The following PXDNL variants were observed in gnomAD, a reference collection of about 807,000 sequenced individuals.
PXDNL encodes probable oxidoreductase PXDNL.
PXDNL carries 145 observed loss-of-function variants against 150.8 expected under a neutral mutation model. The ratio of observed to expected loss-of-function variants is 0.96; its 90% CI spans 0.84 to 1.10. The LOEUF (loss-of-function observed/expected upper bound fraction) is 1.10. PXDNL is among the 50% of genes least tolerant of loss of function. The pLI is 0.00. For missense variants in PXDNL, 2,087 were observed against 1,873.9 expected, an observed-to-expected ratio of 1.11 and a Z score of -2.10; for synonymous variants, 757 against 725.7, an observed-to-expected ratio of 1.04 and a Z score of -0.69.
At chr8:51,538,109 C>T (rs1050875303) in intron 4 of PXDNL, among the ~76,000 whole-genome samples, 1 of 152,156 alleles carries the variant, frequency 6.6e-6, no homozygotes, top group African/African-American at 2.4e-5. Context: ...GCAGGGAATA[C>T]GGTGAAATTG....
intron 1 of PXDNL, among the ~76,000 whole-genome samples, chr8:51,777,800 G>C (rs1585743181): frequency 6.6e-6 from 1 of 152,200 alleles, no homozygotes; most frequent in African/African-American, 2.4e-5. Context: ...CTACTCAAGA[G>C]GCTGAGGCAG....
chr8:51,326,950 A>G (rs1805515764), intron 21 of PXDNL, among the ~76,000 whole-genome samples: 1 of 152,204 alleles, frequency 6.6e-6, no homozygotes, highest in Admixed American at 6.5e-5. Context: ...TCATAAACAA[A>G]GGAAATCTGA....
intron 20 of PXDNL, among the ~76,000 whole-genome samples, chr8:51,343,779 C>T (rs16916021): frequency 0.03 from 4,514 of 152,156 alleles, 216 homozygotes; most frequent in African/African-American, 0.1. Context: ...GTCCGGTACC[C>T]ACTTCTGATG....
At chr8:51,807,252 C>T (rs2037687396) in intron 1 of PXDNL, among the ~76,000 whole-genome samples, 1 of 152,162 alleles carries the variant, frequency 6.6e-6, no homozygotes, top group African/African-American at 2.4e-5. Context: ...AACTTACAAT[C>T]ATCGCAGAAG....
At chr8:51,741,809 C>G (rs1334752941) in intron 1 of PXDNL, among the ~76,000 whole-genome samples, 4 of 152,194 alleles carry the variant, frequency 2.6e-5, no homozygotes, top group Non-Finnish European at 5.9e-5. Context: ...TAAAATATCA[C>G]AATTCTGGAA....
At chr8:51,577,854 G>T (rs1813091941) in intron 3 of PXDNL, among the ~76,000 whole-genome samples, 1 of 148,370 alleles carries the variant, frequency 6.7e-6, no homozygotes, top group African/African-American at 2.5e-5. Flanking sequence ...TCCATTGGAA[G>T]ATCTAGGCAA....
At chr8:51,611,191 C>A (rs1813991564) in intron 2 of PXDNL, among the ~76,000 whole-genome samples, 1 of 152,088 alleles carries the variant, frequency 6.6e-6, no homozygotes, top group Non-Finnish European at 1.5e-5. Context: ...TTTTAATTAG[C>A]ATGCCATGTA....
chr8:51,535,213 G>A (rs1387567719), intron 4 of PXDNL, among the ~76,000 whole-genome samples: 1 of 137,512 alleles, frequency 7.3e-6, no homozygotes, highest in African/African-American at 3.2e-5. Flanking sequence ...CCGTCTGGGA[G>A]GTGTGCCCAG....
chr8:51,456,622 A>G (rs1460745335), intron 9 of PXDNL, among the ~76,000 whole-genome samples: 2 of 152,088 alleles, frequency 1.3e-5, no homozygotes, highest in Admixed American at 1.3e-4. Context: ...ATTCATCCCT[A>G]TTTTTTACTA....
intron 2 of PXDNL, among the ~76,000 whole-genome samples, chr8:51,604,929 A>C (rs1304847104): frequency 6.6e-6 from 1 of 152,230 alleles, no homozygotes; most frequent in Non-Finnish European, 1.5e-5. Context: ...ACCATGTATC[A>C]CATAAGTAAT....
intron 19 of PXDNL, among the ~76,000 whole-genome samples, chr8:51,365,907 T>C (rs1806903422): frequency 6.6e-6 from 1 of 152,212 alleles, no homozygotes; most frequent in Non-Finnish European, 1.5e-5. Flanking sequence ...GAGGCACTTA[T>C]GCTAAAAGCA....
At chr8:51,594,732 A>G (rs184264605) in intron 2 of PXDNL, among the ~76,000 whole-genome samples, 9 of 152,290 alleles carry the variant, frequency 5.9e-5, no homozygotes, top group African/African-American at 2.2e-4. Context: ...TCAAAGCATT[A>G]TGGTTTCCAT....
intron 3 of PXDNL, among the ~76,000 whole-genome samples, chr8:51,572,874 A>C (rs1169018100): frequency 6.6e-6 from 1 of 151,970 alleles, no homozygotes; most frequent in Non-Finnish European, 1.5e-5. Flanking sequence ...ATACAACTAG[A>C]AATCTTGGAC....
chr8:51,546,948 T>C (rs1812372849), intron 4 of PXDNL, among the ~76,000 whole-genome samples: 3 of 152,036 alleles, frequency 2.0e-5, no homozygotes. Flanking sequence ...CATAACTCCA[T>C]TGGCCAAAGA....
At chr8:51,377,953 G>A (rs1298586932) in intron 17 of PXDNL, among the ~76,000 whole-genome samples, 2 of 152,262 alleles carry the variant, frequency 1.3e-5, no homozygotes, top group Admixed American at 6.5e-5. Context: ...AGCCCCGTGC[G>A]GTATCCACTG....
In PXDNL at chr8:51,447,125, G is replaced by C. The variant is rs759907212; in HGVS notation, c.1404C>G (p.Leu468=). ...GGTCAATTCTCAAAGTGCCAGAGGA[G>C]AGAACTGTATGCTGGCCTTCCACAG... ...QLPVEGQHTV[L]SSGTLRIDRA... Residue 468 remains leucine, a synonymous_variant, in exon 12 of 23, where the codon CTC becomes CTG. Transcript: ENST00000356297. 6 of 1,613,980 alleles carry C rather than the reference G, an allele frequency of 3.7e-6. No homozygotes were observed. Among genetic ancestry groups the C allele is most frequent in the East Asian group, 2.2e-5 (1 of 44,882 alleles).
intron 21 of PXDNL, among the ~76,000 whole-genome samples, chr8:51,335,274 G>A (rs141874553): frequency 1.1e-4 from 17 of 152,244 alleles, no homozygotes; most frequent in East Asian, 7.7e-4. Context: ...TTTTTCTGGC[G>A]TCATGTACCA....
chr8:51,723,297 G>A (rs529881913), intron 1 of PXDNL, among the ~76,000 whole-genome samples: 8 of 152,200 alleles, frequency 5.3e-5, no homozygotes, highest in African/African-American at 1.7e-4. Context: ...GAGTCAAATG[G>A]ACCTGGATTC....
At chr8:51,779,304 T>C (rs1485765252) in intron 1 of PXDNL, among the ~76,000 whole-genome samples, 6 of 152,174 alleles carry the variant, frequency 3.9e-5, no homozygotes, top group Non-Finnish European at 7.3e-5. Flanking sequence ...GCCACACATA[T>C]CATGATCTGA....
Sources: allele counts gnomAD v4.1 joint callset (sites outside exome capture counted in the v4.1 genomes callset), GRCh38; gene constraint gnomAD v4.1.1; transcripts MANE v1.5; gene names NCBI Gene and HGNC (gene_info 2026-07-23, HGNC 2026-07-21).